The following AFF3 variants were observed in gnomAD, a reference collection of about 807,000 sequenced individuals.
AFF3 encodes ALF transcription elongation factor 3, also known as AF4/FMR2 family member 3.
AFF3 carries 32 observed loss-of-function variants against 129.7 expected under a neutral mutation model. That is an observed-to-expected ratio of 0.25 (90% CI 0.19 to 0.33). The LOEUF is 0.33. Ranked by LOEUF, AFF3 falls within the 10% of genes least tolerant of loss-of-function variation. AFF3 has a pLI of 1.00. For synonymous variants in AFF3, 644 were observed against 635.4 expected (o/e 1.01, Z -0.20); for missense variants, 1,373 against 1,592.0 (o/e 0.86, Z 2.34).
chr2:99,888,256 G>GAA (rs1194905971), intron 7 of AFF3, among the ~76,000 whole-genome samples: 1 of 152,170 alleles, frequency 6.6e-6, no homozygotes, highest in African/African-American at 2.4e-5. Flanking sequence ...GAAGGTACTG[G>GAA]AATAAATTAA....
At chr2:99,916,503 T>C (rs533892198) in intron 7 of AFF3, among the ~76,000 whole-genome samples, 3 of 151,948 alleles carry the variant, frequency 2.0e-5, no homozygotes, top group East Asian at 3.9e-4. Context: ...CGGTGAAGAA[T>C]TGAACTTAGG....
intron 4 of AFF3, among the ~76,000 whole-genome samples, chr2:100,087,461 G>C (rs1386566267): frequency 6.6e-6 from 1 of 151,906 alleles, no homozygotes; most frequent in Non-Finnish European, 1.5e-5. Flanking sequence ...CATTATGTGA[G>C]AATTTCTTAA....
chr2:99,554,173 A>C (rs774484772), intron 24 of AFF3, 138 bp downstream of exon 24: 183 of 904,890 alleles, frequency 2.0e-4, no homozygotes, highest in South Asian at 5.1e-4. Flanking sequence ...GTGACATGAG[A>C]AAATGCCTGA....
intron 7 of AFF3, among the ~76,000 whole-genome samples, chr2:99,942,017 TA>T (rs745588642): frequency 6.6e-5 from 10 of 152,090 alleles, no homozygotes; most frequent in Non-Finnish European, 1.2e-4. Context: ...ATACAACATA[TA>T]TATAAGTGTA....
At chr2:99,925,418 A>C (rs1473192132) in intron 7 of AFF3, among the ~76,000 whole-genome samples, 1 of 152,218 alleles carries the variant, frequency 6.6e-6, no homozygotes, top group Non-Finnish European at 1.5e-5. Flanking sequence ...ATCATCACAG[A>C]TCATGATCTA....
intron 10 of AFF3, among the ~76,000 whole-genome samples, chr2:99,742,441 C>A (rs1362379895): frequency 1.3e-5 from 2 of 152,162 alleles, no homozygotes; most frequent in Non-Finnish European, 2.9e-5. Context: ...GGGTTTTATA[C>A]CACACAGGGA....
chr2:99,954,664 A>G (rs1323207243), intron 7 of AFF3, among the ~76,000 whole-genome samples: 4 of 150,914 alleles, frequency 2.7e-5, no homozygotes, highest in Non-Finnish European at 4.4e-5. Flanking sequence ...CTATCGCAAG[A>G]ACAAAAAACC....
At chr2:99,894,221 A>G (rs997556182) in intron 7 of AFF3, among the ~76,000 whole-genome samples, 3 of 152,038 alleles carry the variant, frequency 2.0e-5, no homozygotes, top group African/African-American at 7.2e-5. Context: ...TTGAAAAAAA[A>G]AAAAGGAGGG....
At chr2:99,702,173 AG>A (rs1264719867) in intron 11 of AFF3, among the ~76,000 whole-genome samples, 1 of 152,222 alleles carries the variant, frequency 6.6e-6, no homozygotes, top group Non-Finnish European at 1.5e-5. Flanking sequence ...CAGCTATAAA[AG>A]GAACTACCAA....
At chr2:99,553,742 C>A (rs903384056) in intron 24 of AFF3, among the ~76,000 whole-genome samples, 5 of 151,292 alleles carry the variant, frequency 3.3e-5, no homozygotes, top group Non-Finnish European at 5.9e-5. Context: ...TGAAACCCCG[C>A]CTCTACTAAA....
chr2:99,903,809 T>C (rs1694520940), intron 7 of AFF3, among the ~76,000 whole-genome samples: 2 of 152,172 alleles, frequency 1.3e-5, no homozygotes, highest in African/African-American at 4.8e-5. Context: ...TTATCATTGC[T>C]AACAACCTGC....
chr2:100,088,453 T>C (rs535775906), intron 4 of AFF3, among the ~76,000 whole-genome samples: 22 of 152,042 alleles, frequency 1.4e-4, no homozygotes, highest in African/African-American at 4.8e-4. Flanking sequence ...ACCTGGGATA[T>C]AGAAATCTAA....
intron 7 of AFF3, among the ~76,000 whole-genome samples, chr2:99,915,223 T>C (rs1178950415): frequency 6.6e-6 from 1 of 152,172 alleles, no homozygotes; most frequent in East Asian, 1.9e-4. Context: ...ACGTTACATA[T>C]TATCATCTGA....
chr2:100,101,179 T>C (rs1177434429), intron 4 of AFF3, among the ~76,000 whole-genome samples: 1 of 152,208 alleles, frequency 6.6e-6, no homozygotes, highest in East Asian at 1.9e-4. Context: ...AGGAAGAGTG[T>C]GCAAGAAGGC....
At chr2:99,552,750 C>T (rs187141432) in intron 24 of AFF3, among the ~76,000 whole-genome samples, 4 of 152,154 alleles carry the variant, frequency 2.6e-5, no homozygotes, top group African/African-American at 4.8e-5. Context: ...GCACTGGACA[C>T]TTGGCACTGA....
chr2:99,752,179 C>A, intron 9 of AFF3, 42 bp downstream of exon 9: 2 of 1,531,386 alleles, frequency 1.3e-6, no homozygotes, highest in South Asian at 1.1e-5. Context: ...GAAATGCCTG[C>A]ATGAGTGAAA....
At position 99,601,459 on chromosome 2, in the gene AFF3, C is replaced by G; in HGVS notation, c.1347G>C (p.Lys449Asn). 1 of 1,608,436 alleles carries G rather than the reference C, an allele frequency of 6.2e-7. No homozygotes were observed. The highest frequency in any genetic ancestry group is 8.5e-7 in the Non-Finnish European group (1 of 1,176,980). ...CCTCGGGGCTGGAGAAGTGGGGGGG[C>G]TTGCTGCCCTCACTCTCGCTGGAGC... Reference protein sequence around the residue: ...ESSSSESEGSKPPHFSSPEAE... With the variant: ...ESSSSESEGSNPPHFSSPEAE... The change falls in exon 14 of 25, where the codon AAG becomes AAC. Residue 449 changes from lysine (K) to asparagine (N), a missense_variant. Lys to Asn is a moderately conservative substitution (Grantham distance 94). Coordinates refer to ENST00000672756, the MANE Select transcript of AFF3 (RefSeq NM_001386135.1).
chr2:100,107,258 A>G, intron 2 of AFF3: 2 of 985,420 alleles, frequency 2.0e-6, no homozygotes, highest in Non-Finnish European at 2.4e-6. Flanking sequence ...AAAATGTAGA[A>G]CAGTTAGTGA....
intron 12 of AFF3, among the ~76,000 whole-genome samples, chr2:99,656,099 A>T (rs1376409036): frequency 6.6e-6 from 1 of 152,216 alleles, no homozygotes; most frequent in Non-Finnish European, 1.5e-5. Flanking sequence ...GTGAAGTTAA[A>T]GTTGCCTACA....
Sources: gnomAD v4.1 joint callset for allele counts (sites outside exome capture counted in the v4.1 genomes callset) on GRCh38, gnomAD v4.1.1 for gene constraint, MANE v1.5 for transcripts, NCBI Gene and HGNC (gene_info 2026-07-23, HGNC 2026-07-21) for gene names.